Variants in TEX52 observed in about 807,000 individuals in gnomAD.
The protein encoded by TEX52 is testis expressed 52, also known as testis-expressed protein 52.
In TEX52, 22 loss-of-function variants were observed where a neutral mutation model predicts 17.6. That is an observed-to-expected ratio of 1.25 (90% CI 0.89 to 1.78). The LOEUF (loss-of-function observed/expected upper bound fraction) is 1.78. Among genes scored for constraint, TEX52 ranks in the 40% most tolerant of loss-of-function variants. The pLI, the probability that TEX52 is intolerant of heterozygous loss-of-function variation, is 0.00. For synonymous variants in TEX52, 168 were observed against 147.4 expected, an observed-to-expected ratio of 1.14 and a Z score of -1.01; for missense variants, 396 against 372.3, an observed-to-expected ratio of 1.06 and a Z score of -0.52.
chr12:2,856,886 A>G lies in TEX52; in HGVS notation c.72+69T>C, dbSNP rs140422534. 1,347 of 699,860 alleles carry G rather than the reference A, an allele frequency of 1.9e-3. 15 individuals carry two copies. The African/African-American group carries it at 0.021, about 11-fold the overall frequency. 43.4% of individuals were successfully genotyped at this position (699,860 alleles called of 1,614,324 possible). A position where few individuals can be genotyped will look rare whatever the true frequency, so the allele number is the denominator to read the frequency against. On this transcript the variant is annotated intron_variant, in intron 1 of 2. Coordinates refer to ENST00000637658, the MANE Select transcript of TEX52 (RefSeq NM_001365174.2). ...TGCTGCCCAGAAGAAAGCCTGGCCC[A>G]CTATAAGGGACAGCCTGTAGCCCAG...
chr12:2,854,851 G>A, intron 2 of TEX52, 45 bp downstream of exon 2: 1 of 1,493,748 alleles, frequency 6.7e-7, no homozygotes, highest in Non-Finnish European at 8.9e-7. Context: ...GGGGTCACCT[G>A]GGCAGGGCAG....
At chr12:2,856,418 T>C (rs1398184054) in intron 1 of TEX52, among the ~76,000 whole-genome samples, 1 of 152,164 alleles carries the variant, frequency 6.6e-6, no homozygotes, top group Non-Finnish European at 1.5e-5. Context: ...AGGCTGGAGG[T>C]GCAATGGTGC....
At chr12:2,849,606 G>A (rs1197273604) in intron 2 of TEX52, 81 bp from the exon 3 acceptor site, 1 of 1,460,640 alleles carries the variant, frequency 6.8e-7, no homozygotes, top group East Asian at 2.5e-5. Flanking sequence ...AAGGGGAAGG[G>A]TGATGCCGCT....
In TEX52 at chr12:2,854,911, G is replaced by C; in HGVS notation, c.608C>G (p.Pro203Arg). 6.5e-7 allele frequency: 1 copy of C among 1,534,674 alleles called. No homozygotes were observed. The highest frequency in any genetic ancestry group is 1.2e-5 in the South Asian group (1 of 83,918). ...ACCGTCTTACTTCTTGAAGCTCGCT[G>C]GCGGCTGGATGTTGCCCTGGGCATC... Reference protein sequence around the residue: ...PLDAQGNIQPPASFKKYRHIS... With the variant: ...PLDAQGNIQPRASFKKYRHIS... The change falls in exon 2 of 3, where the codon CCA becomes CGA. Residue 203 changes from proline (P) to arginine (R), a missense_variant. Coordinates refer to ENST00000637658, the MANE Select transcript of TEX52 (RefSeq NM_001365174.2).
intron 2 of TEX52, among the ~76,000 whole-genome samples, chr12:2,854,196 T>C (rs903863396): frequency 6.6e-6 from 1 of 151,964 alleles, no homozygotes; most frequent in East Asian, 1.9e-4. Context: ...CGGCTAATTT[T>C]GTATTTTTAG....
Position 2,849,174 on chromosome 12 carries a change from T to A in TEX52, c.*57A>T. ...GGCCTCTTGCTGAAGGAGCATTGATTGAGAACACTGGAGCCTGGGGCTCTG... is the reference window on the plus strand; with the variant it reads ...GGCCTCTTGCTGAAGGAGCATTGATAGAGAACACTGGAGCCTGGGGCTCTG... On this transcript the variant is annotated 3_prime_UTR_variant, in exon 3 of 3. Coordinates refer to ENST00000637658, the MANE Select transcript of TEX52 (RefSeq NM_001365174.2). 6.8e-7 allele frequency: 1 copy of A among 1,472,254 alleles called. No homozygotes were observed. The highest frequency in any genetic ancestry group is 9.0e-7 in the Non-Finnish European group (1 of 1,115,210). 91.2% of individuals were successfully genotyped at this position (1,472,254 alleles called of 1,614,324 possible). A position where few individuals can be genotyped will look rare whatever the true frequency, so the allele number is the denominator to read the frequency against.
In TEX52 at chr12:2,855,420, TGGGA is replaced by T; in HGVS notation, c.95_98del (p.Leu32HisfsTer33). 4 of 315,540 alleles carry T rather than the reference TGGGA, an allele frequency of 1.3e-5. No homozygotes were observed. Among genetic ancestry groups the T allele is most frequent in the Non-Finnish European group, 2.6e-5 (4 of 156,350 alleles). The allele number at this position is 315,540 out of a possible 1,614,324, so 19.5% of individuals were successfully genotyped here. ...CACGCTGAGCCCACGTTTGGGAGGG[TGGGA>T]GGGACTCGCTGGCCTGGACCATCTA... On this transcript the variant is annotated frameshift_variant, in exon 2 of 3. Transcript: ENST00000637658. LOFTEE classifies it high-confidence loss of function.
At chr12:2,856,901 C>G in intron 1 of TEX52, 54 bp downstream of exon 1, 1 of 702,838 alleles carries the variant, frequency 1.4e-6, no homozygotes, top group Non-Finnish European at 2.6e-6. Context: ...AAGGGACAGC[C>G]TGTAGCCCAG....
chr12:2,854,769 G>T, intron 2 of TEX52, 127 bp downstream of exon 2: 1 of 967,134 alleles, frequency 1.0e-6, no homozygotes, highest in Non-Finnish European at 1.5e-6. Context: ...ACTCAGAAAA[G>T]AGTTTGGTTT....
chr12:2,855,380 TG>T lies in TEX52; in HGVS notation c.138del (p.Ser47AlafsTer19). ...AAGCCAGGGAACTCCCAGGACTCGC[TG>T]GGGAGGAAGAACTCACGCTGAGCCC... ...QTWAQREFFL[P>X]SESWEFPGFT... On this transcript the variant is annotated frameshift_variant, in exon 2 of 3. Transcript: ENST00000637658. LOFTEE classifies it high-confidence loss of function. 9.8e-7 allele frequency: 1 copy of T among 1,022,512 alleles called. No homozygotes were observed. Among genetic ancestry groups the T allele is most frequent in the Non-Finnish European group, 1.3e-6 (1 of 772,436 alleles). The allele number at this position is 1,022,512 out of a possible 1,614,324, so 63.3% of individuals were successfully genotyped here. A position where few individuals can be genotyped will look rare whatever the true frequency, so the allele number is the denominator to read the frequency against.
In TEX52 at chr12:2,854,906, T is replaced by C. The variant is rs1473472736; in HGVS notation, c.613A>G (p.Ser205Gly). 2.6e-6 allele frequency: 4 copies of C among 1,533,896 alleles called. No individual in the cohort carries two copies. The African/African-American group carries it at 4.1e-5, about 16-fold the overall frequency. The change falls in exon 2 of 3, where the codon AGC becomes GGC. Residue 205 changes from serine (S) to glycine (G), a missense_variant. Coordinates refer to ENST00000637658, the MANE Select transcript of TEX52 (RefSeq NM_001365174.2). Reference sequence around the variant, plus strand: ...GAGGCACCGTCTTACTTCTTGAAGCTCGCTGGCGGCTGGATGTTGCCCTGG... The same window carrying C: ...GAGGCACCGTCTTACTTCTTGAAGCCCGCTGGCGGCTGGATGTTGCCCTGG... ...DAQGNIQPPA[S>G]FKKYRHISAG...
downstream of TEX52, among the ~76,000 whole-genome samples, chr12:2,848,796 T>C (rs1250097343): frequency 3.9e-5 from 6 of 152,044 alleles, no homozygotes; most frequent in East Asian, 1.2e-3. Flanking sequence ...TCATTCCCAA[T>C]GGGTTATGAG....
chr12:2,854,951 T>C lies in TEX52; in HGVS notation c.568A>G (p.Arg190Gly). ...CCCTGGGCATCGAGTGGGGGTGCTC[T>C]TGCCTCACTCCTCAACTTGAGCTTC... Reference protein sequence around the residue: ...VEKLKLRSEARAPPLDAQGNI... With the variant: ...VEKLKLRSEAGAPPLDAQGNI... Residue 190 changes from arginine (R) to glycine (G), a missense_variant, in exon 2 of 3, where the codon AGA (arginine) becomes GGA (glycine). By Grantham distance (125) the Arg-to-Gly change is moderately radical (BLOSUM62 -2). Transcript: ENST00000637658. 6.5e-7 allele frequency: 1 copy of C among 1,536,142 alleles called. No individual in the cohort carries two copies. Among genetic ancestry groups the C allele is most frequent in the South Asian group, 1.2e-5 (1 of 84,054 alleles).
chr12:2,848,244 C>T (rs753403697), downstream of TEX52, among the ~76,000 whole-genome samples: 26 of 152,164 alleles, frequency 1.7e-4, no homozygotes, highest in Non-Finnish European at 3.4e-4. Flanking sequence ...CAGGTGTGAC[C>T]ATCAATGTGG....
intron 2 of TEX52, among the ~76,000 whole-genome samples, chr12:2,851,805 A>G (rs939765723): frequency 1.3e-5 from 2 of 151,762 alleles, no homozygotes; most frequent in Admixed American, 1.3e-4. Flanking sequence ...CAGCCTCCCC[A>G]GTAGCTGGGA....
intron 2 of TEX52, among the ~76,000 whole-genome samples, chr12:2,852,645 A>C (rs2098074757): frequency 6.6e-6 from 1 of 152,022 alleles, no homozygotes; most frequent in Non-Finnish European, 1.5e-5. Context: ...GATTACAGGC[A>C]TGAACCATCA....
downstream of TEX52, chr12:2,848,992 A>G (rs772647317): frequency 1.9e-6 from 1 of 513,048 alleles, no homozygotes; most frequent in Non-Finnish European, 3.4e-6. Flanking sequence ...TCCTGGCCGC[A>G]GTCCTCCCAC....
intron 2 of TEX52, among the ~76,000 whole-genome samples, chr12:2,852,954 C>T (rs1376771657): frequency 1.3e-5 from 2 of 151,818 alleles, no homozygotes; most frequent in Non-Finnish European, 2.9e-5. Context: ...GAGCCAAGAT[C>T]ACACCACTGC....
chr12:2,853,697 T>C (rs962903560), intron 2 of TEX52, among the ~76,000 whole-genome samples: 1 of 151,962 alleles, frequency 6.6e-6, no homozygotes, highest in African/African-American at 2.4e-5. Flanking sequence ...ATTTGAGACA[T>C]TCCTTTTCAT....
Sources: gnomAD v4.1 joint callset for allele counts (sites outside exome capture counted in the v4.1 genomes callset) on GRCh38, gnomAD v4.1.1 for gene constraint, MANE v1.5 for transcripts, NCBI Gene and HGNC (gene_info 2026-07-23, HGNC 2026-07-21) for gene names.